The following OTOA variants were observed in gnomAD, a reference collection of about 807,000 sequenced individuals.
The protein encoded by OTOA is otoancorin.
A neutral mutation model predicts 110.8 loss-of-function variants in OTOA; 70 were observed. The ratio of observed to expected loss-of-function variants is 0.63; its 90% CI spans 0.52 to 0.77. The LOEUF is 0.77. Among genes scored for constraint, OTOA ranks in the 30% least tolerant of loss-of-function variants. The pLI is 0.00. For synonymous variants in OTOA, 373 were observed against 431.5 expected, an observed-to-expected ratio of 0.86 and a Z score of 1.68; for missense variants, 917 against 1,075.8, an observed-to-expected ratio of 0.85 and a Z score of 2.06.
At chr16:21,711,924 CAT>C (rs1387515999) in intron 13 of OTOA, among the ~76,000 whole-genome samples, 3 of 152,310 alleles carry the variant, frequency 2.0e-5, no homozygotes, top group African/African-American at 7.2e-5. Context: ...TTTGAAACAA[CAT>C]AATTTACTAC....
intron 12 of OTOA, among the ~76,000 whole-genome samples, chr16:21,707,382 CTG>C (rs1256198047): frequency 6.6e-6 from 1 of 151,954 alleles, no homozygotes; most frequent in African/African-American, 2.4e-5. Context: ...CAGGGAGGGC[CTG>C]TTCAAATACA....
chr16:21,724,949 G>T (rs181722570), intron 18 of OTOA, among the ~76,000 whole-genome samples: 2 of 151,824 alleles, frequency 1.3e-5, no homozygotes, highest in Admixed American at 1.3e-4. Flanking sequence ...GCTAATTTTT[G>T]TATTTTTTGG....
chr16:21,724,371 C>G (rs988500688), intron 18 of OTOA, among the ~76,000 whole-genome samples: 6 of 152,008 alleles, frequency 3.9e-5, no homozygotes, highest in Non-Finnish European at 8.8e-5. Flanking sequence ...TGGGGATGTC[C>G]GGTTCAGCAG....
intron 1 of OTOA, among the ~76,000 whole-genome samples, chr16:21,671,182 T>C (rs1453802398): frequency 6.6e-6 from 1 of 152,148 alleles, no homozygotes; most frequent in East Asian, 1.9e-4. Flanking sequence ...AAGCCCTGTT[T>C]GAAGTGATTC....
At chr16:21,715,839 A>G (rs572317938) in intron 14 of OTOA, among the ~76,000 whole-genome samples, 13 of 151,318 alleles carry the variant, frequency 8.6e-5, no homozygotes, top group Admixed American at 7.9e-4. Flanking sequence ...TTTCAAATCT[A>G]AAAATAAACC....
chr16:21,703,635 A>G (rs13332667), intron 11 of OTOA, among the ~76,000 whole-genome samples: 5,897 of 152,222 alleles, frequency 0.039, 411 homozygotes, highest in African/African-American at 0.13. Flanking sequence ...CTTTACTCGA[A>G]GTTAAGCAGA....
chr16:21,679,218 T>C lies in OTOA; in HGVS notation c.179+7T>C. On this transcript the variant is annotated splice_region_variant and intron_variant, in intron 5 of 28. Coordinates refer to ENST00000646100, the MANE Select transcript of OTOA (RefSeq NM_144672.4). ...ATCTCATACAGTTTCAAAGGTAAAA[T>C]GCCCTAGAGGAGAGGGGAAGGGATG... 6.2e-7 allele frequency: 1 copy of C among 1,613,104 alleles called. No homozygotes were observed. The highest frequency in any genetic ancestry group is 8.5e-7 in the Non-Finnish European group (1 of 1,179,654).
In OTOA at chr16:21,670,302, G is replaced by A. The variant is rs148338577; in HGVS notation, c.-5+6070G>A. Among the ~76,000 whole-genome samples the A allele has an allele frequency of 4.8e-3, 726 of 151,840 alleles. 6 individuals are homozygous for A. The highest frequency in any genetic ancestry group is 0.016 in the African/African-American group (681 of 41,388). The stretch of plus-strand genomic sequence containing the variant: ...CATGTCCTACTGTTATATCCTCTTC[G>A]TGCAATTTACTGAAGAACATGCAAA... On this transcript the variant is annotated intron_variant, in intron 1 of 28. Transcript: ENST00000646100.
In OTOA at chr16:21,722,905, G is replaced by A. The variant is rs775686301; in HGVS notation, c.1807G>A (p.Val603Ile). Reference protein sequence around the residue: ...NNFALLSPYQVNCLAWKYWEV... With the variant: ...NNFALLSPYQINCLAWKYWEV... Reference sequence around the variant, plus strand: ...TCCCCAGAACTGCTTAATCTTTCAGGTTAATTGTTTGGCGTGGAAATACTG... The same window carrying A: ...TCCCCAGAACTGCTTAATCTTTCAGATTAATTGTTTGGCGTGGAAATACTG... The change falls in exon 18 of 29, where the codon GTT becomes ATT. Residue 603 changes from valine to isoleucine, a missense_variant and splice_region_variant. Physicochemically the swap from Val to Ile is conservative, Grantham distance 29. Around this residue, in one of 6 missense-constraint regions of OTOA, gnomAD observed 840 missense variants for 910.2 expected, o/e 0.92. Coordinates refer to ENST00000646100, the MANE Select transcript of OTOA (RefSeq NM_144672.4). 31 of 1,613,776 alleles carry A rather than the reference G, an allele frequency of 1.9e-5. No individual in the cohort carries two copies. In the Middle Eastern group the frequency reaches 4.9e-4, roughly 26 times the overall value.
At position 21,715,142 on chromosome 16, in the gene OTOA, T is replaced by A. The variant is rs1382871286; in HGVS notation, c.1478T>A (p.Ile493Asn). ...TTGTCACCTGCCCAGCAGCAAGGTATCCTCAGCAAGGTGAGAGGAAGATGT... is the reference window on the plus strand; with the variant it reads ...TTGTCACCTGCCCAGCAGCAAGGTAACCTCAGCAAGGTGAGAGGAAGATGT... ...SDLSPAQQQG[I>N]LSKMVQAEDT... is the part of the protein sequence containing the mutation. Residue 493 changes from isoleucine to asparagine, a missense_variant, in exon 14 of 29, where the codon ATC (isoleucine) becomes AAC (asparagine). Ile to Asn is a moderately radical substitution (Grantham distance 149). Coordinates refer to ENST00000646100, the MANE Select transcript of OTOA (RefSeq NM_144672.4). 1 of 1,614,176 alleles carries A rather than the reference T, an allele frequency of 6.2e-7. No homozygotes were observed. The highest frequency in any genetic ancestry group is 8.5e-7 in the Non-Finnish European group (1 of 1,180,012).
At chr16:21,682,829 C>A (rs1966919142) in intron 6 of OTOA, among the ~76,000 whole-genome samples, 1 of 152,260 alleles carries the variant, frequency 6.6e-6, no homozygotes. Flanking sequence ...AAACATCAAC[C>A]AACATTGATA....
At chr16:21,696,964 G>GCACATAGCTCA (rs11268611) in intron 9 of OTOA, among the ~76,000 whole-genome samples, 144,247 of 150,744 alleles carry the variant, frequency 0.96, 69,469 homozygotes, top group African/African-American at 0.99. Flanking sequence ...AGTAGAGTGA[G>GCACATAGCTCA]CTGTAGCCTC....
chr16:21,726,869 C>G (rs902690548), intron 19 of OTOA, among the ~76,000 whole-genome samples: 3 of 152,006 alleles, frequency 2.0e-5, no homozygotes, highest in Admixed American at 6.6e-5. Flanking sequence ...GGAGGGGAGG[C>G]TACTCTGGAG....
At chr16:21,690,410 G>A (rs1300051484) in intron 8 of OTOA, among the ~76,000 whole-genome samples, 2 of 149,488 alleles carry the variant, frequency 1.3e-5, no homozygotes, top group Non-Finnish European at 1.5e-5. Flanking sequence ...TGATCTCATC[G>A]TTCAGCTTCC....
chr16:21,696,145 G>A (rs554996981), intron 9 of OTOA, among the ~76,000 whole-genome samples: 1 of 151,354 alleles, frequency 6.6e-6, no homozygotes, highest in African/African-American at 2.4e-5. Context: ...CACCTGCCTC[G>A]GCCTCCCAAA....
intron 12 of OTOA, among the ~76,000 whole-genome samples, chr16:21,708,751 GCCT>G: frequency 6.6e-6 from 1 of 152,134 alleles, no homozygotes; most frequent in Non-Finnish European, 1.5e-5. Flanking sequence ...TTGTGCACCT[GCCT>G]GAAATGACTA....
intron 1 of OTOA, among the ~76,000 whole-genome samples, chr16:21,671,825 A>G (rs913823580): frequency 2.5e-4 from 38 of 152,030 alleles, no homozygotes; most frequent in African/African-American, 8.7e-4. Context: ...TGTGACAACC[A>G]CCACAATCAA....
chr16:21,707,626 TTTC>T (rs1898215969), intron 12 of OTOA, among the ~76,000 whole-genome samples: 2 of 105,342 alleles, frequency 1.9e-5, no homozygotes, highest in African/African-American at 5.8e-5. Context: ...TCTTTCTTTC[TTTC>T]TTTCTTTCTT....
chr16:21,731,643 T>A (rs2141724432), intron 21 of OTOA, among the ~76,000 whole-genome samples: 1 of 152,328 alleles, frequency 6.6e-6, no homozygotes, highest in African/African-American at 2.4e-5. Flanking sequence ...CACACTCCAA[T>A]GGCCAAAGTA....
Sources: allele counts gnomAD v4.1 joint callset (sites outside exome capture counted in the v4.1 genomes callset), GRCh38; gene constraint gnomAD v4.1.1; regional missense constraint gnomAD v4.1.1; transcripts MANE v1.5; gene names NCBI Gene and HGNC (gene_info 2026-07-23, HGNC 2026-07-21).